MEFV: variants seen among roughly 807,000 people sequenced by gnomAD.
MEFV encodes MEFV innate immunity regulator, pyrin, also known as pyrin.
MEFV carries 60 observed loss-of-function variants against 62.5 expected under a neutral mutation model. That is an observed-to-expected ratio of 0.96 (90% CI 0.78 to 1.19). The LOEUF (loss-of-function observed/expected upper bound fraction) is 1.19, where lower values mean the gene tolerates loss of function less well. Among genes scored for constraint, MEFV ranks in the 50% most tolerant of loss-of-function variants. MEFV has a pLI of 0.00. For synonymous variants in MEFV, 500 were observed against 415.2 expected (o/e 1.20, Z -2.48); for missense variants, 1,169 against 1,004.5 (o/e 1.16, Z -2.21).
chr16:3,251,664 T>A (rs2238408), intron 2 of MEFV, among the ~76,000 whole-genome samples: 3 of 152,168 alleles, frequency 2.0e-5, no homozygotes, highest in African/African-American at 7.2e-5. Flanking sequence ...GAAAGGCAAA[T>A]GGTAGAATCT....
chr16:3,242,816 G>T lies in MEFV; in HGVS notation c.*325C>A. The T allele has an allele frequency of 2.4e-6, 1 of 417,470 alleles. No individual in the cohort carries two copies. Among genetic ancestry groups the T allele is most frequent in the South Asian group, 2.1e-5 (1 of 46,652 alleles). The allele number at this position is 417,470 out of a possible 1,614,324, so 25.9% of individuals were successfully genotyped here. A position where few individuals can be genotyped will look rare whatever the true frequency, so the allele number is the denominator to read the frequency against. ...CAAGGGGACATATATCCTTGCCGTGGGGTTCTGAGGGAAAATGAGGGCCAA... is the reference window on the plus strand; with the variant it reads ...CAAGGGGACATATATCCTTGCCGTGTGGTTCTGAGGGAAAATGAGGGCCAA... On this transcript the variant is annotated 3_prime_UTR_variant, in exon 10 of 10. Transcript: ENST00000219596.
At chr16:3,253,874 C>T (rs537766179) in intron 2 of MEFV, among the ~76,000 whole-genome samples, 10 of 152,274 alleles carry the variant, frequency 6.6e-5, no homozygotes, top group African/African-American at 2.4e-4. Flanking sequence ...TAGTATGGAA[C>T]TCCTGGGGTC....
chr16:3,246,326 C>A (rs1161989981), intron 6 of MEFV, 199 bp downstream of exon 6: 7 of 624,668 alleles, frequency 1.1e-5, no homozygotes, highest in Non-Finnish European at 1.7e-5. Context: ...GCTCCATACC[C>A]GGCCAGCCTC....
At position 3,242,672 on chromosome 16, in the gene MEFV, CAAA is replaced by C. The variant is rs61379197; in HGVS notation, c.*466_*468del. The C allele has an allele frequency of 0.58, 105,161 of 180,386 alleles. 26,521 individuals carry two copies. Among genetic ancestry groups the C allele is most frequent in the African/African-American group, 0.64 (25,343 of 39,332 alleles). The allele number at this position is 180,386 out of a possible 1,614,324, so 11.2% of individuals were successfully genotyped here. On this transcript the variant is annotated 3_prime_UTR_variant, in exon 10 of 10. Transcript: ENST00000219596. ...TGGGCCACAGAGCAAGATTTGGTCT[CAAA>C]AAAAAAAAAAAAAAATCATAGTTCA...
chr16:3,251,192 T>C (rs1373790026), intron 2 of MEFV, among the ~76,000 whole-genome samples: 8 of 152,140 alleles, frequency 5.3e-5, no homozygotes, highest in Non-Finnish European at 5.9e-5. Flanking sequence ...GAATTAATTG[T>C]CCACGTTTCC....
intron 2 of MEFV, among the ~76,000 whole-genome samples, chr16:3,250,754 A>G (rs1432014002): frequency 6.6e-6 from 1 of 150,854 alleles, no homozygotes; most frequent in Non-Finnish European, 1.5e-5. Flanking sequence ...GGCCGAGCGC[A>G]GTGGCTCACG....
rs1272013594 is a variant in MEFV at position 3,256,430 on chromosome 16, A to G, written c.158T>C (p.Met53Thr). Reference protein sequence around the residue: ...SQIQRARPVKMATLLVTYYGE... With the variant: ...SQIQRARPVKTATLLVTYYGE... ...ATAGTAGGTGACCAGCAGAGTGGCC[A>G]TCTTCACCGGCCTGGCTCTCTGGAT... Residue 53 changes from methionine to threonine, a missense_variant, in exon 1 of 10, where the codon ATG becomes ACG. Coordinates refer to ENST00000219596, the MANE Select transcript of MEFV (RefSeq NM_000243.3). 1.2e-6 allele frequency: 2 copies of G among 1,614,100 alleles called. No individual in the cohort carries two copies. Among genetic ancestry groups the G allele is most frequent in the East Asian group, 4.5e-5 (2 of 44,896 alleles).
Position 3,249,594 on chromosome 16 carries a change from C to G in MEFV, c.1097G>C (p.Ser366Thr). 1 of 1,614,166 alleles carries G rather than the reference C, an allele frequency of 6.2e-7. No homozygotes were observed. The highest frequency in any genetic ancestry group is 8.5e-7 in the Non-Finnish European group (1 of 1,180,022). Reference sequence around the variant, plus strand: ...CTGTGGCAGGGGCTGGGGGCTTAGGCTTCCCGGGCTCTTCCTTTCATGGGA... The same window carrying G: ...CTGTGGCAGGGGCTGGGGGCTTAGGGTTCCCGGGCTCTTCCTTTCATGGGA... ...QDSHERKSPGSLSPQPLPQCK... is the reference protein window; with the variant it reads ...QDSHERKSPGTLSPQPLPQCK... Residue 366 changes from serine (S) to threonine (T), a missense_variant, in exon 3 of 10, where the codon AGC becomes ACC. Ser to Thr is a moderately conservative substitution (Grantham distance 58). Transcript: ENST00000219596.
Position 3,254,779 on chromosome 16 carries a change from G to A in MEFV, c.289C>T (p.Gln97Ter), listed in dbSNP as rs747515115. The change falls in exon 2 of 10, where the codon CAA (glutamine) becomes TAA (stop). Residue 97 changes from glutamine (Q) to a stop codon, truncating the protein, a stop_gained. Transcript: ENST00000219596. LOFTEE classifies it high-confidence loss of function. ...GCGGAATCATCTGTGCCGTTTTCTT[G>A]TGTGGAATATTCTGGAAGGACAACC... ...HRAAIQEYST[Q>*]ENGTDDSAAS... 73 of 1,611,904 alleles carry A rather than the reference G, an allele frequency of 4.5e-5. No individual in the cohort carries two copies. Among genetic ancestry groups the A allele is most frequent in the Non-Finnish European group, 5.9e-5 (70 of 1,180,006 alleles).
chr16:3,243,775 GA>G, intron 9 of MEFV, 81 bp from the exon 10 acceptor site: 2 of 1,608,570 alleles, frequency 1.2e-6, no homozygotes, highest in South Asian at 2.2e-5. Context: ...AGGAAACAGG[GA>G]CAGGGTAGTT....
intron 2 of MEFV, 137 bp from the exon 3 acceptor site, chr16:3,249,917 G>A: frequency 1.3e-6 from 1 of 746,412 alleles, no homozygotes; most frequent in Non-Finnish European, 2.3e-6. Flanking sequence ...TTCCTAGCTT[G>A]TCCTCCCCCG....
In MEFV at chr16:3,243,872, GAGCGCCAA is replaced by G. The variant is rs1958898869; in HGVS notation, c.1772_1779del (p.Ile591ThrfsTer6). 6.2e-7 allele frequency: 1 copy of G among 1,613,798 alleles called. No homozygotes were observed. ...TCTGGGCACTTACCAGCATGTGCCT[GAGCGCCAA>G]TCAGCTCCGGAACTACGGAGAAAAA... On this transcript the variant is annotated frameshift_variant, in exon 9 of 10. Coordinates refer to ENST00000219596, the MANE Select transcript of MEFV (RefSeq NM_000243.3). LOFTEE classifies it low-confidence loss of function (END_TRUNC).
Position 3,254,276 on chromosome 16 carries a change from C to T in MEFV, c.792G>A (p.Glu264=). Residue 264 remains glutamate (E), a synonymous_variant, in exon 2 of 10, where the codon GAG becomes GAA. Transcript: ENST00000219596. The part of the protein sequence containing the change: ...PANPEILLTL[E]EKTAANLDSA... ...AGTCCAGATTCGCAGCTGTCTTTTC[C>T]TCTAGAGTCAGGAGAATTTCTGGAT... 3 of 1,614,272 alleles carry T rather than the reference C, an allele frequency of 1.9e-6. No individual in the cohort carries two copies. The highest frequency in any genetic ancestry group is 2.5e-6 in the Non-Finnish European group (3 of 1,180,050).
At chr16:3,249,350 CAG>C in intron 3 of MEFV, 79 bp downstream of exon 3, 1 of 1,327,072 alleles carries the variant, frequency 7.5e-7, no homozygotes, top group Non-Finnish European at 1.1e-6. Context: ...ACCAACAACC[CAG>C]AGTTGTTGGG....
chr16:3,249,520 C>T lies in MEFV; in HGVS notation c.1171G>A (p.Asp391Asn), dbSNP rs764274816. 2.0e-5 allele frequency: 32 copies of T among 1,614,078 alleles called. No individual in the cohort carries two copies. In the African/African-American group the frequency reaches 2.9e-4, roughly 15 times the overall value. The change falls in exon 3 of 10, where the codon GAT becomes AAT. Residue 391 changes from aspartate to asparagine, a missense_variant. Physicochemically the swap from Asp to Asn is conservative, Grantham distance 23. Transcript: ENST00000219596. ...QVQLLFCEDH[D>N]EPICLICSLS... Reference sequence around the variant, plus strand: ...CTGCAGATGAGGCAGATGGGCTCATCGTGATCCTCACAGAAGAGCAGCTGG... The same window carrying T: ...CTGCAGATGAGGCAGATGGGCTCATTGTGATCCTCACAGAAGAGCAGCTGG...
At chr16:3,255,435 T>C (rs549316640) in intron 1 of MEFV, among the ~76,000 whole-genome samples, 5 of 152,264 alleles carry the variant, frequency 3.3e-5, no homozygotes, top group African/African-American at 1.2e-4. Flanking sequence ...TGAGACAGGA[T>C]CTTGCTCTGT....
chr16:3,256,183 C>T, intron 1 of MEFV, 128 bp downstream of exon 1: 1 of 1,144,844 alleles, frequency 8.7e-7, no homozygotes, highest in Non-Finnish European at 1.3e-6. Flanking sequence ...CTAAAGTCAT[C>T]TGGATTTTGG....
rs1427749250 is a variant in MEFV at position 3,249,807 on chromosome 16, CT to C, written c.911-28del. On this transcript the variant is annotated intron_variant, in intron 2 of 9. Coordinates refer to ENST00000219596, the MANE Select transcript of MEFV (RefSeq NM_000243.3). The stretch of plus-strand genomic sequence containing the variant: ...TGGGGACATGCAGTGGAAAAACCCC[CT>C]GAATGGCAAACCCAAGTTGCTTACA... The C allele has an allele frequency of 2.5e-6, 4 of 1,596,118 alleles. No homozygotes were observed. The African/African-American group carries it at 5.4e-5, about 21-fold the overall frequency.
At chr16:3,247,280 T>C in intron 4 of MEFV, 34 bp from the exon 5 acceptor site, 1 of 1,602,402 alleles carries the variant, frequency 6.2e-7, no homozygotes, top group Middle Eastern at 1.7e-4. Flanking sequence ...TATGGGGGTC[T>C]GTGCTGTGGG....
Sources: allele counts gnomAD v4.1 joint callset (sites outside exome capture counted in the v4.1 genomes callset), GRCh38; gene constraint gnomAD v4.1.1; transcripts MANE v1.5; gene names NCBI Gene and HGNC (gene_info 2026-07-23, HGNC 2026-07-21).